Variants in RANBP2 observed in about 807,000 individuals in gnomAD.
RANBP2 encodes the protein RAN binding protein 2.
RANBP2 carries 57 observed loss-of-function variants against 303.6 expected under a neutral mutation model. The observed-to-expected ratio is 0.19, with a 90% CI of 0.15 to 0.23. The LOEUF is 0.23. Among genes scored for constraint, RANBP2 ranks in the 10% least tolerant of loss-of-function variants. The probability of loss-of-function intolerance (pLI) is 1.00; values close to 1 mark genes in which losing one functional copy is unlikely to be tolerated. For synonymous variants in RANBP2, 1,167 were observed against 1,301.5 expected (o/e 0.90, Z 2.23); for missense variants, 3,138 against 3,780.8 (o/e 0.83, Z 4.46).
rs201567166 is a variant in RANBP2, at chr2:108,764,121, C to G, written c.3582C>G (p.Phe1194Leu). 6.2e-7 allele frequency: 1 copy of G among 1,614,044 alleles called. No individual in the cohort carries two copies. The highest frequency in any genetic ancestry group is 1.7e-5 in the Admixed American group (1 of 59,992). ...CTGGTGAGGAAGATGAAGAAGAATT[C>G]TTTTGCAACCGCGCGAAATTGTTTC... ...VKTGEEDEEE[F>L]FCNRAKLFRF... Residue 1194 changes from phenylalanine (F) to leucine (L), a missense_variant, in exon 20 of 29, where the codon TTC (phenylalanine) becomes TTG (leucine). Phe to Leu is a conservative substitution (Grantham distance 22, BLOSUM62 0). This residue lies in a region of RANBP2 where 403 missense variants were observed against 376.7 expected (regional missense o/e 1.07). Coordinates refer to ENST00000283195, the MANE Select transcript of RANBP2 (RefSeq NM_006267.5).
the RANBP2 span, chr2:109,545,540 T>C: frequency 6.5e-7 from 1 of 1,535,806 alleles, no homozygotes; most frequent in South Asian, 1.2e-5. Flanking sequence ...ACAGCCTGGT[T>C]CCCTTATTAA....
the RANBP2 span, among the ~76,000 whole-genome samples, chr2:109,158,903 G>T: frequency 6.6e-6 from 1 of 152,194 alleles, no homozygotes; most frequent in Non-Finnish European, 1.5e-5. Flanking sequence ...ATCACCTGAG[G>T]TCAGGAGTTA....
chr2:109,295,926 C>T, the RANBP2 span, among the ~76,000 whole-genome samples: 1 of 152,164 alleles, frequency 6.6e-6, no homozygotes, highest in African/African-American at 2.4e-5. Context: ...CAGCCTCCTG[C>T]CTGTGCCGAC....
chr2:109,177,992 T>A, the RANBP2 span, among the ~76,000 whole-genome samples: 6 of 152,336 alleles, frequency 3.9e-5, no homozygotes, highest in East Asian at 9.6e-4. Flanking sequence ...ATCAGAAAAT[T>A]AGACCTAAAC....
At chr2:108,751,842 C>G in intron 11 of RANBP2, 29 bp from the exon 12 acceptor site, 1 of 1,611,926 alleles carries the variant, frequency 6.2e-7, no homozygotes, top group South Asian at 1.1e-5. Flanking sequence ...ATTTAGAAAG[C>G]AATTTTAGTA....
the RANBP2 span, among the ~76,000 whole-genome samples, chr2:108,830,132 T>C: frequency 6.6e-6 from 1 of 152,196 alleles, no homozygotes; most frequent in African/African-American, 2.4e-5. Flanking sequence ...CCTGAAGCTA[T>C]TGTAAATGAA....
chr2:109,597,234 C>A, the RANBP2 span, among the ~76,000 whole-genome samples: 2 of 152,194 alleles, frequency 1.3e-5, no homozygotes, highest in African/African-American at 2.4e-5. Flanking sequence ...AGCCACCGTG[C>A]CTGGCTGGAA....
the RANBP2 span, among the ~76,000 whole-genome samples, chr2:109,471,721 T>G: frequency 6.6e-6 from 1 of 152,198 alleles, no homozygotes; most frequent in Admixed American, 6.5e-5. Context: ...CCCCTTGCTG[T>G]CTCAGCCTCA....
chr2:109,637,533 G>A, the RANBP2 span, among the ~76,000 whole-genome samples: 1 of 152,114 alleles, frequency 6.6e-6, no homozygotes, highest in Non-Finnish European at 1.5e-5. Flanking sequence ...AGTTCCCTGC[G>A]GCTTTCTGCA....
the RANBP2 span, among the ~76,000 whole-genome samples, chr2:109,282,558 T>G: frequency 2.6e-5 from 4 of 152,124 alleles, no homozygotes; most frequent in Non-Finnish European, 4.4e-5. Flanking sequence ...CTCAGCTGAC[T>G]GCAGGGCCTG....
the RANBP2 span, among the ~76,000 whole-genome samples, chr2:109,610,934 A>G: frequency 1.3e-5 from 2 of 152,224 alleles, no homozygotes; most frequent in African/African-American, 4.8e-5. Flanking sequence ...AGAAGAATAA[A>G]GTGGGAGAAA....
the RANBP2 span, among the ~76,000 whole-genome samples, chr2:109,509,141 C>T: frequency 6.6e-6 from 1 of 152,170 alleles, no homozygotes; most frequent in Non-Finnish European, 1.5e-5. Flanking sequence ...CTCATTCATT[C>T]AACAGCTACT....
chr2:109,319,795 G>C, the RANBP2 span, among the ~76,000 whole-genome samples: 2 of 152,316 alleles, frequency 1.3e-5, no homozygotes, highest in East Asian at 3.9e-4. Context: ...AGTCCAATCT[G>C]GAGCTTTTTC....
At chr2:109,258,296 G>A in the RANBP2 span, among the ~76,000 whole-genome samples, 1,134 of 152,314 alleles carry the variant, frequency 7.4e-3, 8 homozygotes, top group South Asian at 0.024. Context: ...TGCAGTGGCC[G>A]CTGTGACAGC....
At chr2:109,501,471 T>G in the RANBP2 span, 1 of 765,840 alleles carries the variant, frequency 1.3e-6, no homozygotes. Context: ...AGATTGTCTG[T>G]GTGGGGCTCA....
At chr2:108,932,528 C>CAAAA in the RANBP2 span, among the ~76,000 whole-genome samples, 167 of 37,446 alleles carry the variant, frequency 4.5e-3, no homozygotes, top group Non-Finnish European at 5.1e-3. Flanking sequence ...GACTCTGTCT[C>CAAAA]AAAAAAAAAA....
the RANBP2 span, among the ~76,000 whole-genome samples, chr2:108,885,996 T>C: frequency 6.6e-6 from 1 of 152,226 alleles, no homozygotes; most frequent in Non-Finnish European, 1.5e-5. Context: ...ACATTTCCTT[T>C]ATCCATTCGT....
the RANBP2 span, among the ~76,000 whole-genome samples, chr2:109,151,015 CT>C: frequency 6.6e-6 from 1 of 152,140 alleles, no homozygotes; most frequent in Non-Finnish European, 1.5e-5. Context: ...GTCGACACTG[CT>C]TATGGAGTGC....
chr2:109,614,750 G>A, the RANBP2 span: 11 of 1,482,748 alleles, frequency 7.4e-6, no homozygotes, highest in Admixed American at 2.3e-5. Flanking sequence ...GTGAAGGGCC[G>A]TCCGAGCCCT....
Sources: gnomAD v4.1 joint callset for allele counts (sites outside exome capture counted in the v4.1 genomes callset) on GRCh38, gnomAD v4.1.1 for gene constraint, gnomAD v4.1.1 regional missense constraint, MANE v1.5 for transcripts, NCBI Gene and HGNC (gene_info 2026-07-23, HGNC 2026-07-21) for gene names.